HECTD4: variants seen among roughly 807,000 people sequenced by gnomAD.
The protein encoded by HECTD4 is HECT domain E3 ubiquitin protein ligase 4.
HECTD4 carries 114 observed loss-of-function variants against 471.5 expected under a neutral mutation model. The observed-to-expected ratio is 0.24, with a 90% confidence interval of 0.21 to 0.28. HECTD4 has a LOEUF of 0.28. Ranked by LOEUF, HECTD4 falls within the 10% of genes least tolerant of loss-of-function variation. HECTD4 has a pLI of 1.00. For missense variants in HECTD4, 3,866 were observed against 5,651.5 expected (o/e 0.68, Z 10.13); for synonymous variants, 2,012 against 2,256.0 (o/e 0.89, Z 3.07).
chr12:112,212,610 A>G lies in HECTD4; in HGVS notation c.7506T>C (p.Thr2502=). ...TGGCTGGCTGTCCCGGAGGAGGTGG[A>G]GTCCCCTCAGTTCTCTCCCAGCCAA... ...AGIGWERTEG[T]PPPPGQPAKG... is the part of the protein sequence containing the mutation. Residue 2502 remains threonine (T), a synonymous_variant, in exon 49 of 76, where the codon ACT becomes ACC. Transcript: ENST00000682272. The G allele has an allele frequency of 6.2e-7, 1 of 1,613,836 alleles. No individual in the cohort carries two copies. The highest frequency in any genetic ancestry group is 8.5e-7 in the Non-Finnish European group (1 of 1,179,848).
chr12:112,358,621 G>A (rs1445055536), intron 1 of HECTD4, among the ~76,000 whole-genome samples: 1 of 152,184 alleles, frequency 6.6e-6, no homozygotes, highest in East Asian at 1.9e-4. Context: ...TATGACCATA[G>A]ACAGATTATG....
intron 48 of HECTD4, among the ~76,000 whole-genome samples, chr12:112,214,021 C>CA (rs371100477): frequency 1.3e-5 from 2 of 149,330 alleles, no homozygotes; most frequent in African/African-American, 2.5e-5. Context: ...GACCCAGTCT[C>CA]AAAAAAAATA....
intron 9 of HECTD4, among the ~76,000 whole-genome samples, chr12:112,278,750 G>A (rs979119167): frequency 1.8e-4 from 28 of 152,152 alleles, no homozygotes; most frequent in Admixed American, 3.3e-4. Flanking sequence ...AAAATTAGCC[G>A]GGCATGGTGG....
In HECTD4 at chr12:112,235,742, C is replaced by T. The variant is rs754264143; in HGVS notation, c.5487G>A (p.Val1829=). Residue 1829 remains valine (V), a synonymous_variant, in exon 36 of 76, where the codon GTG becomes GTA. Transcript: ENST00000682272. The surrounding 1 kb of genome is among the most constrained non-coding windows in gnomAD (Gnocchi z 5.0). ...GKAILSQPAC[V]SKLLSLLLDQ... ...CAAGCAGCAGGGAGAGGAGTTTGGA[C>T]ACACAAGCTGGCTGGCTCAGGATGG... The T allele has an allele frequency of 1.2e-6, 2 of 1,613,644 alleles. No individual in the cohort carries two copies. Among genetic ancestry groups the T allele is most frequent in the African/African-American group, 2.7e-5 (2 of 74,920 alleles).
In HECTD4 at chr12:112,381,583, TG is replaced by T. The variant is rs1364539999; in HGVS notation, c.177+368del. Among the ~76,000 whole-genome samples the T allele has an allele frequency of 6.7e-6, 1 of 149,300 alleles. No individual in the cohort carries two copies. The highest frequency in any genetic ancestry group is 1.5e-5 in the Non-Finnish European group (1 of 67,306). ...AAAGCTAAGCAACCTGGGTGTGCCC[TG>T]GAAGTGGGTCCTGGGGGCCCGTGGG... On this transcript the variant is annotated intron_variant, in intron 1 of 75. Coordinates refer to ENST00000682272, the MANE Select transcript of HECTD4 (RefSeq NM_001388303.1). This position sits in a 1 kb window ranked among gnomAD's most constrained non-coding sequence, Gnocchi z 4.1.
At position 112,160,718 on chromosome 12, in the gene HECTD4, T is replaced by C. The variant is rs576318805; in HGVS notation, c.*1669A>G. On this transcript the variant is annotated 3_prime_UTR_variant, in exon 76 of 76. Coordinates refer to ENST00000682272, the MANE Select transcript of HECTD4 (RefSeq NM_001388303.1). ...AATAAATCGAAAGGCTCTTTCATTA[T>C]GCAGAAATGAAAATAAAAGGATCCT... is the stretch of plus-strand genomic sequence containing the variant. 2.0e-5 allele frequency: 3 copies of C among 152,224 alleles called. No homozygotes were observed. Among genetic ancestry groups the C allele is most frequent in the Non-Finnish European group, 4.4e-5 (3 of 68,040 alleles). The allele number at this position is 152,224 out of a possible 1,614,324, so 9.4% of individuals were successfully genotyped here. A position where few individuals can be genotyped will look rare whatever the true frequency, so the allele number is the denominator to read the frequency against.
At chr12:112,282,827 C>T (rs111962426) in intron 8 of HECTD4, among the ~76,000 whole-genome samples, 8 of 152,114 alleles carry the variant, frequency 5.3e-5, no homozygotes, top group Admixed American at 1.3e-4. Context: ...ACAAAGCATA[C>T]GCAAAATATG....
At chr12:112,339,299 C>A (rs1400245274) in intron 1 of HECTD4, among the ~76,000 whole-genome samples, 1 of 120,332 alleles carries the variant, frequency 8.3e-6, no homozygotes, top group East Asian at 2.8e-4. Flanking sequence ...TCATGTAACA[C>A]ATGCAGGGTC....
At chr12:112,377,919 T>G (rs1031864097) in intron 1 of HECTD4, among the ~76,000 whole-genome samples, 1 of 152,064 alleles carries the variant, frequency 6.6e-6, no homozygotes, top group Non-Finnish European at 1.5e-5. Context: ...GGAAGAAAAA[T>G]TTTAATTCAA....
intron 21 of HECTD4, among the ~76,000 whole-genome samples, 186 bp downstream of exon 21, chr12:112,256,134 G>A (rs2034003624): frequency 6.6e-6 from 1 of 152,158 alleles, no homozygotes; most frequent in Non-Finnish European, 1.5e-5. Context: ...TGCAGAGGTG[G>A]TGTTTCTTTA....
intron 7 of HECTD4, among the ~76,000 whole-genome samples, chr12:112,304,434 AT>A (rs1020090896): frequency 4.0e-5 from 6 of 151,472 alleles, no homozygotes; most frequent in Non-Finnish European, 7.4e-5. Flanking sequence ...TAATTTTTGT[AT>A]TTTTTTGCAG....
At position 112,194,587 on chromosome 12, in the gene HECTD4, G is replaced by C. The variant is rs148015128; in HGVS notation, c.8749+298C>G. ...CTTTCTAATGTCAAATAGAATGTCT[G>C]TGGCAACAATACAGTGACTTGGTTT... On this transcript the variant is annotated intron_variant, in intron 56 of 75. Transcript: ENST00000682272. The surrounding 1 kb of genome is among the most constrained non-coding windows in gnomAD (Gnocchi z 4.6). 6.6e-4 allele frequency among the ~76,000 whole-genome samples: 100 copies of C among 152,330 alleles called. 1 individual carries two copies. Among genetic ancestry groups the C allele is most frequent in the Admixed American group, 6.0e-3 (91 of 15,294 alleles).
At chr12:112,339,637 TAGAG>T (rs546705803) in intron 1 of HECTD4, among the ~76,000 whole-genome samples, 20 of 152,004 alleles carry the variant, frequency 1.3e-4, no homozygotes, top group Non-Finnish European at 2.2e-4. Flanking sequence ...ACTCAAAAGA[TAGAG>T]ATACACAAAC....
At position 112,188,865 on chromosome 12, in the gene HECTD4, A is replaced by G. The variant is rs1022155202; in HGVS notation, c.9472+1921T>C. ...TGCTGGGGCACAGGGCTAGGCCCTC[A>G]GATGCCAGAACTATTCATGTCACCT... On this transcript the variant is annotated intron_variant, in intron 60 of 75. Transcript: ENST00000682272. This position sits in a 1 kb window ranked among gnomAD's most constrained non-coding sequence, Gnocchi z 4.2. Among the ~76,000 whole-genome samples the G allele has an allele frequency of 6.6e-6, 1 of 152,246 alleles. No homozygotes were observed. The highest frequency in any genetic ancestry group is 2.4e-5 in the African/African-American group (1 of 41,458).
At position 112,233,026 on chromosome 12, in the gene HECTD4, T is replaced by G; in HGVS notation, c.5975A>C (p.Lys1992Thr). 10 of 1,612,478 alleles carry G rather than the reference T, an allele frequency of 6.2e-6. No individual in the cohort carries two copies. The highest frequency in any genetic ancestry group is 8.5e-6 in the Non-Finnish European group (10 of 1,179,308). ...GTGANMEKVV[K>T]MDRDMTKGGC... ...TACCTTGGTCATGTCTCGATCCATC[T>G]TCACAACTTTCTCCATGTTGGCGCC... is the stretch of plus-strand genomic sequence containing the variant. The change falls in exon 38 of 76, where the codon AAG becomes ACG. Residue 1992 changes from lysine to threonine, a missense_variant. By Grantham distance (78) the Lys-to-Thr change is moderately conservative. Coordinates refer to ENST00000682272, the MANE Select transcript of HECTD4 (RefSeq NM_001388303.1).
At chr12:112,269,639 A>C (rs1448110937) in intron 13 of HECTD4, 65 bp downstream of exon 13, 1 of 1,546,118 alleles carries the variant, frequency 6.5e-7, no homozygotes, top group African/African-American at 1.4e-5. Flanking sequence ...CTTTCAGGGA[A>C]GATTACAATG....
intron 27 of HECTD4, 110 bp from the exon 28 acceptor site, chr12:112,247,660 T>C: frequency 2.2e-6 from 1 of 463,538 alleles, no homozygotes; most frequent in Non-Finnish European, 3.8e-6. Context: ...TGGTCCACAT[T>C]TCTATGCTTG....
intron 15 of HECTD4, 118 bp downstream of exon 15, chr12:112,265,760 T>C (rs1291930638): frequency 1.4e-6 from 1 of 712,772 alleles, no homozygotes; most frequent in African/African-American, 1.8e-5. Flanking sequence ...GCTTTAGGTT[T>C]AACATGCTAA....
At position 112,210,181 on chromosome 12, in the gene HECTD4, A is replaced by G. The variant is rs199594621; in HGVS notation, c.7701T>C (p.Ala2567=). ...CTGCTAGGTCAGTGCACAGGTCAGC[A>G]GCATTGCGGTGGGCCTGCCCTTCCG... ...AYAEGQAHRN[A]ADLCTDLAEE... The change falls in exon 50 of 76, where the codon GCT becomes GCC. Residue 2567 remains alanine (A), a synonymous_variant. Coordinates refer to ENST00000682272, the MANE Select transcript of HECTD4 (RefSeq NM_001388303.1). 3.1e-6 allele frequency: 5 copies of G among 1,614,076 alleles called. No individual in the cohort carries two copies. The highest frequency in any genetic ancestry group is 4.2e-6 in the Non-Finnish European group (5 of 1,179,906).
Sources: gnomAD v4.1 joint callset for allele counts (sites outside exome capture counted in the v4.1 genomes callset) on GRCh38, gnomAD v4.1.1 for gene constraint, Gnocchi (gnomAD v3.1) non-coding constraint, MANE v1.5 for transcripts, NCBI Gene and HGNC (gene_info 2026-07-23, HGNC 2026-07-21) for gene names.